Variants in PARP8 observed in about 807,000 individuals in gnomAD.
The protein encoded by PARP8 is poly(ADP-ribose) polymerase family member 8, also known as protein mono-ADP-ribosyltransferase PARP8.
Under a neutral mutation model 124.1 loss-of-function variants are expected in PARP8, and 51 were observed. The ratio of observed to expected loss-of-function variants is 0.41; its 90% confidence interval spans 0.33 to 0.52. The LOEUF is 0.52. Ranked by LOEUF, PARP8 falls within the 20% of genes least tolerant of loss-of-function variation. The pLI, the probability that PARP8 is intolerant of heterozygous loss-of-function variation, is 0.21. For synonymous variants in PARP8, 391 were observed against 361.5 expected (o/e 1.08, Z -0.93); for missense variants, 860 against 1,018.9 (o/e 0.84, Z 2.12).
chr5:50,788,654 T>C (rs1561381789), intron 10 of PARP8, 65 bp downstream of exon 10: 14 of 1,369,610 alleles, frequency 1.0e-5, no homozygotes, highest in Non-Finnish European at 1.4e-5. Flanking sequence ...ATTTTGTTCA[T>C]TAAAACAAAC....
chr5:50,802,364 A>T (rs1370908647), intron 14 of PARP8, among the ~76,000 whole-genome samples: 1 of 152,056 alleles, frequency 6.6e-6, no homozygotes, highest in African/African-American at 2.4e-5. Context: ...TCTAGACCGG[A>T]GTACAGTGGT....
At chr5:50,782,162 A>G (rs895890821) in intron 9 of PARP8, among the ~76,000 whole-genome samples, 44 of 152,112 alleles carry the variant, frequency 2.9e-4, no homozygotes, top group East Asian at 1.9e-4. Flanking sequence ...TATAGCATCT[A>G]TCTCTTTCAT....
rs577793280 is a variant in PARP8 at position 50,675,608 on chromosome 5, C to T, written c.146+7483C>T. 1.8e-3 allele frequency among the ~76,000 whole-genome samples: 272 copies of T among 152,282 alleles called. 2 individuals carry two copies. The highest frequency in any genetic ancestry group is 6.3e-3 in the African/African-American group (262 of 41,550). On this transcript the variant is annotated intron_variant, in intron 2 of 25. Coordinates refer to ENST00000281631, the MANE Select transcript of PARP8 (RefSeq NM_024615.4). ...ACGGGCGTGAGCCAGCCATGGCGCC[C>T]GGCCTGTTTTATTGTTTAAAAAACA... is the stretch of plus-strand genomic sequence containing the variant.
intron 7 of PARP8, among the ~76,000 whole-genome samples, chr5:50,774,125 G>A (rs1234213162): frequency 6.6e-6 from 1 of 152,164 alleles, no homozygotes; most frequent in Non-Finnish European, 1.5e-5. Flanking sequence ...AGTTGACACA[G>A]CACATGTTTC....
At chr5:50,688,276 T>C (rs754225090) in intron 2 of PARP8, among the ~76,000 whole-genome samples, 16 of 152,188 alleles carry the variant, frequency 1.1e-4, no homozygotes, top group Non-Finnish European at 1.8e-4. Flanking sequence ...CAGTTGGACT[T>C]AAGTAAGTAA....
chr5:50,776,199 A>G (rs545608944), intron 7 of PARP8, among the ~76,000 whole-genome samples: 3 of 152,184 alleles, frequency 2.0e-5, no homozygotes, highest in Non-Finnish European at 4.4e-5. Context: ...ATTGATTTGC[A>G]TATGTTGAAT....
intron 2 of PARP8, among the ~76,000 whole-genome samples, chr5:50,692,590 G>A (rs1304251901): frequency 6.6e-6 from 1 of 151,982 alleles, no homozygotes; most frequent in Non-Finnish European, 1.5e-5. Flanking sequence ...GCTTTTGAAT[G>A]AAGGAATGAA....
chr5:50,818,171 A>C (rs1745314191), intron 15 of PARP8, among the ~76,000 whole-genome samples: 2 of 132,076 alleles, frequency 1.5e-5, no homozygotes, highest in Admixed American at 7.4e-5. Flanking sequence ...GAAATATATC[A>C]TTTAGCCCCC....
At chr5:50,804,944 A>G (rs538484521) in intron 14 of PARP8, among the ~76,000 whole-genome samples, 1 of 152,224 alleles carries the variant, frequency 6.6e-6, no homozygotes, top group East Asian at 1.9e-4. Context: ...TTTTTCCAAA[A>G]TGGAAAGAAG....
rs201475333 is a variant in PARP8, at chr5:50,821,313, C to G, written c.1769C>G (p.Pro590Arg). The change falls in exon 16 of 26, where the codon CCT (proline) becomes CGT (arginine). Residue 590 changes from proline to arginine, a missense_variant. Coordinates refer to ENST00000281631, the MANE Select transcript of PARP8 (RefSeq NM_024615.4). ...CCTTCTGTGGTAGATCCTAATGATC[C>G]TCAGATGTTGGCCTTCAACCCCAGG... ...PYPSVVDPND[P>R]QMLAFNPRKK... 3.2e-5 allele frequency: 52 copies of G among 1,613,880 alleles called. No homozygotes were observed. The highest frequency in any genetic ancestry group is 4.4e-5 in the Non-Finnish European group (52 of 1,179,948).
intron 7 of PARP8, among the ~76,000 whole-genome samples, chr5:50,771,460 A>G (rs1761623803): frequency 6.6e-6 from 1 of 151,968 alleles, no homozygotes; most frequent in African/African-American, 2.4e-5. Context: ...CGCCCAACCA[A>G]TGTTTTAATA....
intron 9 of PARP8, among the ~76,000 whole-genome samples, chr5:50,779,208 T>C (rs1740380182): frequency 6.6e-6 from 1 of 151,616 alleles, no homozygotes; most frequent in African/African-American, 2.4e-5. Context: ...CACACACACA[T>C]GCATGCACAC....
At chr5:50,668,388 A>T in intron 2 of PARP8, 1 of 454,980 alleles carries the variant, frequency 2.2e-6, no homozygotes. Flanking sequence ...ACAGTACTAG[A>T]TTGCTCTCAG....
At chr5:50,763,919 C>T (rs573475890) in intron 7 of PARP8, among the ~76,000 whole-genome samples, 125 of 152,290 alleles carry the variant, frequency 8.2e-4, no homozygotes, top group Non-Finnish European at 1.5e-3. Context: ...AGACCCCTTT[C>T]GTAGCCTGAC....
chr5:50,827,864 C>T lies in PARP8; in HGVS notation c.1978-80C>T, dbSNP rs919503196. The T allele has an allele frequency of 2.2e-5, 23 of 1,034,700 alleles. No individual in the cohort carries two copies. In the African/African-American group the frequency reaches 3.7e-4, roughly 16 times the overall value. The allele number at this position is 1,034,700 out of a possible 1,614,324, so 64.1% of individuals were successfully genotyped here. On this transcript the variant is annotated intron_variant, in intron 19 of 25. Transcript: ENST00000281631. ...GTTTGAAAGTGGGTAATTCTTAAAC[C>T]AATAAAATTTGAAATTGTCATCAGC...
chr5:50,797,307 T>C, intron 14 of PARP8, 74 bp downstream of exon 14: 2 of 1,112,272 alleles, frequency 1.8e-6, no homozygotes, highest in Non-Finnish European at 2.5e-6. Flanking sequence ...AATATAAAAA[T>C]AAGTAAATAA....
intron 2 of PARP8, among the ~76,000 whole-genome samples, chr5:50,678,836 C>G (rs1249267527): frequency 1.3e-5 from 2 of 152,096 alleles, no homozygotes; most frequent in Non-Finnish European, 2.9e-5. Context: ...AGACAGTGTT[C>G]AGCACAGGGC....
At chr5:50,726,137 T>C (rs1245564314) in intron 2 of PARP8, among the ~76,000 whole-genome samples, 1 of 152,124 alleles carries the variant, frequency 6.6e-6, no homozygotes, top group African/African-American at 2.4e-5. Context: ...TTTTTTATTT[T>C]TTTATTTTAG....
chr5:50,697,052 A>G lies in PARP8; in HGVS notation c.146+28927A>G, dbSNP rs1753110365. 2.0e-5 allele frequency among the ~76,000 whole-genome samples: 3 copies of G among 152,042 alleles called. No homozygotes were observed. In the South Asian group the frequency reaches 6.2e-4, roughly 32 times the overall value. On this transcript the variant is annotated intron_variant, in intron 2 of 25. Coordinates refer to ENST00000281631, the MANE Select transcript of PARP8 (RefSeq NM_024615.4). ...GGGAGGCTGAGGCGGGTGGATCATG[A>G]GGTCAGGAGATGGAGACCATCCTGG...
Sources: gnomAD v4.1 joint callset for allele counts (sites outside exome capture counted in the v4.1 genomes callset) on GRCh38, gnomAD v4.1.1 for gene constraint, MANE v1.5 for transcripts, NCBI Gene and HGNC (gene_info 2026-07-23, HGNC 2026-07-21) for gene names.